ANAPC7: variants seen among roughly 807,000 people sequenced by gnomAD.
ANAPC7 encodes the protein anaphase promoting complex subunit 7.
A neutral mutation model predicts 63.3 loss-of-function variants in ANAPC7; 25 were observed. The ratio of observed to expected loss-of-function variants is 0.39; its 90% confidence interval spans 0.29 to 0.55. The LOEUF (loss-of-function observed/expected upper bound fraction) is 0.55. Among genes scored for constraint, ANAPC7 ranks in the 20% least tolerant of loss-of-function variants. The pLI is 0.57. For synonymous variants in ANAPC7, 241 were observed against 251.7 expected (o/e 0.96, Z 0.40); for missense variants, 516 against 691.7 (o/e 0.75, Z 2.85).
chr12:110,399,355 C>T (rs1236839676), intron 1 of ANAPC7, among the ~76,000 whole-genome samples: 1 of 149,712 alleles, frequency 6.7e-6, no homozygotes, highest in African/African-American at 2.4e-5. Context: ...AATTTCTCAA[C>T]AAGCTAGGCA....
chr12:110,375,390 G>T, intron 10 of ANAPC7: 10 of 982,446 alleles, frequency 1.0e-5, no homozygotes, highest in Non-Finnish European at 1.2e-5. Context: ...CTGAACAATT[G>T]AATGTGATCA....
At chr12:110,382,471 T>A (rs1461508415) in intron 7 of ANAPC7, among the ~76,000 whole-genome samples, 1 of 124,794 alleles carries the variant, frequency 8.0e-6, no homozygotes, top group African/African-American at 3.2e-5. Context: ...AATATATATA[T>A]ATATATATAT....
Position 110,374,212 on chromosome 12 carries a change from C to T in ANAPC7, c.1630G>A (p.Asp544Asn). ...GCCTCACTGTCGCTGCCCTCCAGGT[C>T]CCCTTCTTCCCCACTCCCTTCCATG... ...DDMEGSGEEG[D>N]LEGSDSEAAQ... Residue 544 changes from aspartate to asparagine, a missense_variant, in exon 11 of 11, where the codon GAC becomes AAC. Physicochemically the swap from Asp to Asn is conservative, Grantham distance 23. Around this residue, in one of 4 missense-constraint regions of ANAPC7, gnomAD observed 122 missense variants for 212.0 expected, o/e 0.58. Coordinates refer to ENST00000455511, the MANE Select transcript of ANAPC7 (RefSeq NM_016238.3). The T allele has an allele frequency of 6.2e-7, 1 of 1,614,088 alleles. No individual in the cohort carries two copies. Among genetic ancestry groups the T allele is most frequent in the Non-Finnish European group, 8.5e-7 (1 of 1,180,042 alleles).
Position 110,382,849 on chromosome 12 carries a change from ACCAC to A in ANAPC7, c.925_928del (p.Val309PhefsTer18). 1 of 1,612,122 alleles carries A rather than the reference ACCAC, an allele frequency of 6.2e-7. No individual in the cohort carries two copies. Among genetic ancestry groups the A allele is most frequent in the Non-Finnish European group, 8.5e-7 (1 of 1,178,698 alleles). Reference sequence around the variant, plus strand: ...AGAGAATGCATAATCATACCCAGAAACCACCCACGGTTCTGCATGCTGATCAGAG... The same window carrying A: ...AGAGAATGCATAATCATACCCAGAAACCACGGTTCTGCATGCTGATCAGAG... On this transcript the variant is annotated frameshift_variant, in exon 7 of 11. Transcript: ENST00000455511. LOFTEE classifies it high-confidence loss of function.
chr12:110,379,388 T>C (rs56184938), intron 8 of ANAPC7, among the ~76,000 whole-genome samples: 21,222 of 152,142 alleles, frequency 0.14, 2,183 homozygotes, highest in African/African-American at 0.29. Flanking sequence ...AATCTCCAAA[T>C]GGCAGCTTAA....
chr12:110,399,960 G>C (rs1255012350), intron 1 of ANAPC7, among the ~76,000 whole-genome samples: 1 of 151,954 alleles, frequency 6.6e-6, no homozygotes, highest in Non-Finnish European at 1.5e-5. Flanking sequence ...CAGGCATGGT[G>C]GTGGGCGCCT....
chr12:110,398,079 CTAGTAAAAA>C (rs1172029575), intron 1 of ANAPC7, among the ~76,000 whole-genome samples: 9 of 151,808 alleles, frequency 5.9e-5, no homozygotes, highest in Admixed American at 5.9e-4. Flanking sequence ...AACCCCGTCT[CTAGTAAAAA>C]TACAAAAATT....
At chr12:110,398,382 A>T (rs1160696471) in intron 1 of ANAPC7, among the ~76,000 whole-genome samples, 4 of 152,036 alleles carry the variant, frequency 2.6e-5, no homozygotes, top group African/African-American at 9.7e-5. Context: ...TGCCATTTGT[A>T]CACCAGCCTG....
chr12:110,374,011 G>A lies in ANAPC7; in HGVS notation c.*133C>T, dbSNP rs1881031505. ...GAAGTCACGACTAGGAATTGGGAGC[G>A]AGGGGGCAGAGACCCCTGCTGCAAT... On this transcript the variant is annotated 3_prime_UTR_variant, in exon 11 of 11. Transcript: ENST00000455511. 1.1e-5 allele frequency: 11 copies of A among 1,026,070 alleles called. No homozygotes were observed. The highest frequency in any genetic ancestry group is 1.5e-5 in the Non-Finnish European group (11 of 729,676). The allele number at this position is 1,026,070 out of a possible 1,614,324, so 63.6% of individuals were successfully genotyped here. A position where few individuals can be genotyped will look rare whatever the true frequency, so the allele number is the denominator to read the frequency against.
Position 110,377,386 on chromosome 12 carries a change from C to T in ANAPC7, c.1357+7G>A. 2 of 1,609,140 alleles carry T rather than the reference C, an allele frequency of 1.2e-6. No homozygotes were observed. Among genetic ancestry groups the T allele is most frequent in the African/African-American group, 1.3e-5 (1 of 74,828 alleles). ...GATGAACAGGACAGAAAATAAGACA[C>T]ACTTACTAAGTAGTTCTGCTTTTTT... On this transcript the variant is annotated splice_region_variant and intron_variant, in intron 9 of 10. Transcript: ENST00000455511.
intron 1 of ANAPC7, 150 bp from the exon 2 acceptor site, chr12:110,396,602 C>G: frequency 1.8e-6 from 1 of 541,506 alleles, no homozygotes. Flanking sequence ...CCTCCACCTC[C>G]CGGGTTCAAG....
intron 7 of ANAPC7, 35 bp from the exon 8 acceptor site, chr12:110,381,983 C>T (rs1419855692): frequency 6.7e-7 from 1 of 1,490,446 alleles, no homozygotes; most frequent in Non-Finnish European, 8.9e-7. Flanking sequence ...ACACAAAAAC[C>T]CCAGAAGTTA....
intron 1 of ANAPC7, among the ~76,000 whole-genome samples, chr12:110,399,817 C>G (rs76524211): frequency 6.8e-6 from 1 of 147,074 alleles, no homozygotes; most frequent in Non-Finnish European, 1.5e-5. Flanking sequence ...AAAAAGGGGC[C>G]AGGCGCGGTG....
At chr12:110,403,180 C>T (rs2062258259) in intron 1 of ANAPC7, among the ~76,000 whole-genome samples, 1 of 152,204 alleles carries the variant, frequency 6.6e-6, no homozygotes, top group Admixed American at 6.5e-5. Context: ...AAAAAACGTT[C>T]TTCTGGAAGG....
At chr12:110,384,220 A>G (rs904054223) in intron 6 of ANAPC7, among the ~76,000 whole-genome samples, 3 of 151,766 alleles carry the variant, frequency 2.0e-5, no homozygotes, top group African/African-American at 7.3e-5. Flanking sequence ...AATAAAATAA[A>G]GTAAAATAAA....
intron 1 of ANAPC7, among the ~76,000 whole-genome samples, chr12:110,400,857 G>C (rs2062217605): frequency 6.6e-6 from 1 of 151,424 alleles, no homozygotes; most frequent in South Asian, 2.1e-4. Context: ...GACAAGCCTG[G>C]CCAACATGAT....
In ANAPC7 at chr12:110,396,326, T is replaced by G; in HGVS notation, c.228A>C (p.Leu76=). The G allele has an allele frequency of 6.2e-7, 1 of 1,613,998 alleles. No homozygotes were observed. The highest frequency in any genetic ancestry group is 8.5e-7 in the Non-Finnish European group (1 of 1,179,972). Residue 76 remains leucine (L), a synonymous_variant, in exon 2 of 11, where the codon CTA becomes CTC. Transcript: ENST00000455511. Reference sequence around the variant, plus strand: ...AAGGTCTCACTTTTGAAGTTTTACTTAGCGCTTTCTTCTGCTGTAAAGCCA... The same window carrying G: ...AAGGTCTCACTTTTGAAGTTTTACTGAGCGCTTTCTTCTGCTGTAAAGCCA... The part of the protein sequence containing the change: ...YTMALQQKKA[L]SKTSKVRPST...
intron 8 of ANAPC7, 110 bp from the exon 9 acceptor site, chr12:110,377,727 C>A: frequency 6.5e-7 from 1 of 1,537,590 alleles, no homozygotes; most frequent in Non-Finnish European, 8.8e-7. Flanking sequence ...AGACAAAGGG[C>A]AGGCCACGGG....
At chr12:110,390,169 A>G (rs1466224656) in intron 3 of ANAPC7, among the ~76,000 whole-genome samples, 4 of 151,776 alleles carry the variant, frequency 2.6e-5, no homozygotes, top group African/African-American at 9.7e-5. Flanking sequence ...CCTGGGTTCA[A>G]GTGATTCTCC....
Sources: allele counts gnomAD v4.1 joint callset (sites outside exome capture counted in the v4.1 genomes callset), GRCh38; gene constraint gnomAD v4.1.1; regional missense constraint gnomAD v4.1.1; transcripts MANE v1.5; gene names NCBI Gene and HGNC (gene_info 2026-07-23, HGNC 2026-07-21).